The following SGCD variants were observed in gnomAD, a reference collection of about 807,000 sequenced individuals.
SGCD encodes the protein sarcoglycan delta, also known as delta-sarcoglycan.
In SGCD, 18 loss-of-function variants were observed where a neutral mutation model predicts 36.6. The ratio of observed to expected loss-of-function variants is 0.49; its 90% CI spans 0.34 to 0.73. SGCD has a LOEUF of 0.73. Among genes scored for constraint, SGCD ranks in the 30% least tolerant of loss-of-function variants. The probability of loss-of-function intolerance (pLI) is 0.01; values close to 1 mark genes in which losing one functional copy is unlikely to be tolerated. For synonymous variants in SGCD, 133 were observed against 130.6 expected, an observed-to-expected ratio of 1.02 and a Z score of -0.12; for missense variants, 387 against 346.7, an observed-to-expected ratio of 1.12 and a Z score of -0.92.
chr5:156,595,749 C>A (rs998524848), intron 6 of SGCD, among the ~76,000 whole-genome samples: 12 of 152,198 alleles, frequency 7.9e-5, no homozygotes, highest in Non-Finnish European at 1.6e-4. Context: ...ACTGAAGAAT[C>A]ATCTAGGAAA....
intron 7 of SGCD, among the ~76,000 whole-genome samples, chr5:156,650,818 A>G (rs1475943512): frequency 6.6e-6 from 1 of 152,126 alleles, no homozygotes; most frequent in Non-Finnish European, 1.5e-5. Context: ...ATTTTGATAG[A>G]ACAATTTATT....
chr5:156,374,804 G>A (rs1027102671), intron 3 of SGCD, among the ~76,000 whole-genome samples: 9 of 151,888 alleles, frequency 5.9e-5, no homozygotes, highest in Non-Finnish European at 1.3e-4. Context: ...CCCCTGACAT[G>A]CTGACAGCAT....
At chr5:155,733,008 A>T in the SGCD span, among the ~76,000 whole-genome samples, 1 of 114,942 alleles carries the variant, frequency 8.7e-6, no homozygotes, top group African/African-American at 3.1e-5. Flanking sequence ...GATGTTTGTT[A>T]TACTCGTTTT....
intron 3 of SGCD, among the ~76,000 whole-genome samples, chr5:156,480,323 T>G (rs1755368080): frequency 1.3e-5 from 2 of 152,240 alleles, no homozygotes; most frequent in South Asian, 4.1e-4. Context: ...TTGCTCTGTT[T>G]CGTTGGATTC....
the SGCD span, among the ~76,000 whole-genome samples, chr5:155,763,061 T>C: frequency 6.6e-6 from 1 of 152,222 alleles, no homozygotes; most frequent in Non-Finnish European, 1.5e-5. Flanking sequence ...GCTTCACTTT[T>C]ATTCCAGAGT....
At chr5:156,093,832 G>T (rs1437705514) in intron 1 of SGCD, among the ~76,000 whole-genome samples, 1 of 151,994 alleles carries the variant, frequency 6.6e-6, no homozygotes, top group Non-Finnish European at 1.5e-5. Context: ...CATTCAAAGA[G>T]GTCTGTCATT....
the SGCD span, among the ~76,000 whole-genome samples, chr5:155,825,650 C>T: frequency 6.6e-6 from 1 of 151,924 alleles, no homozygotes; most frequent in African/African-American, 2.4e-5. Context: ...TTATTTTGTA[C>T]ACTGCTAATT....
intron 1 of SGCD, among the ~76,000 whole-genome samples, chr5:155,923,273 T>C (rs1756926772): frequency 6.6e-6 from 1 of 152,132 alleles, no homozygotes; most frequent in Non-Finnish European, 1.5e-5. Context: ...AAAAGACATA[T>C]ATTGGGGGTA....
chr5:155,969,994 G>A (rs1179070499), intron 1 of SGCD, among the ~76,000 whole-genome samples: 1 of 151,450 alleles, frequency 6.6e-6, no homozygotes, highest in African/African-American at 2.4e-5. Flanking sequence ...TATTGTCTTT[G>A]TAAGCCTTTA....
chr5:155,991,303 T>C (rs1758428096), intron 1 of SGCD, among the ~76,000 whole-genome samples: 2 of 152,232 alleles, frequency 1.3e-5, no homozygotes, highest in African/African-American at 2.4e-5. Flanking sequence ...AGGCTTTCAC[T>C]GCTTTGTACA....
intron 7 of SGCD, among the ~76,000 whole-genome samples, chr5:156,650,393 G>T (rs967402032): frequency 6.6e-6 from 1 of 152,090 alleles, no homozygotes; most frequent in Non-Finnish European, 1.5e-5. Context: ...TGTTACATGA[G>T]TATGTTGCAT....
intron 1 of SGCD, among the ~76,000 whole-genome samples, chr5:156,021,298 A>G (rs1011500820): frequency 3.9e-5 from 6 of 152,328 alleles, no homozygotes; most frequent in Admixed American, 1.3e-4. Context: ...GTATTGTATG[A>G]CAGGTGCTGT....
intron 7 of SGCD, among the ~76,000 whole-genome samples, chr5:156,746,656 T>C (rs1336242839): frequency 6.6e-6 from 1 of 152,182 alleles, no homozygotes; most frequent in East Asian, 1.9e-4. Flanking sequence ...CTAATGGAGC[T>C]GGAACAACTG....
intron 6 of SGCD, among the ~76,000 whole-genome samples, chr5:156,602,264 G>T (rs1761226871): frequency 6.6e-6 from 1 of 152,058 alleles, no homozygotes; most frequent in African/African-American, 2.4e-5. Flanking sequence ...TTAGCATATA[G>T]AAATGCTACT....
chr5:156,083,952 G>C (rs1342222358), intron 1 of SGCD, among the ~76,000 whole-genome samples: 4 of 152,004 alleles, frequency 2.6e-5, no homozygotes, highest in Non-Finnish European at 4.4e-5. Flanking sequence ...CTGTACCATT[G>C]ATCTATGTGC....
intron 7 of SGCD, among the ~76,000 whole-genome samples, chr5:156,757,068 G>T (rs982058041): frequency 4.0e-5 from 6 of 151,874 alleles, no homozygotes; most frequent in African/African-American, 1.5e-4. Flanking sequence ...GGAAAGAGGA[G>T]GTAAAGAAAG....
At chr5:156,329,206 G>C (rs1387637042) in intron 1 of SGCD, among the ~76,000 whole-genome samples, 1 of 152,198 alleles carries the variant, frequency 6.6e-6, no homozygotes, top group East Asian at 1.9e-4. Context: ...GCAGTGAAGG[G>C]AGAGGAATGG....
At chr5:156,480,387 T>G (rs1199832647) in intron 3 of SGCD, among the ~76,000 whole-genome samples, 1 of 152,222 alleles carries the variant, frequency 6.6e-6, no homozygotes, top group Non-Finnish European at 1.5e-5. Flanking sequence ...CTCCAGGCAT[T>G]ACATTGGCAT....
intron 6 of SGCD, among the ~76,000 whole-genome samples, chr5:156,619,517 TA>T (rs1762160987): frequency 6.6e-6 from 1 of 152,252 alleles, no homozygotes; most frequent in African/African-American, 2.4e-5. Flanking sequence ...AATGAGGAGA[TA>T]AACTTCTGTC....
Sources: gnomAD v4.1 joint callset for allele counts (sites outside exome capture counted in the v4.1 genomes callset) on GRCh38, gnomAD v4.1.1 for gene constraint, MANE v1.5 for transcripts, NCBI Gene and HGNC (gene_info 2026-07-23, HGNC 2026-07-21) for gene names.